Variants in GPC6 observed in about 807,000 individuals in gnomAD.
The protein encoded by GPC6 is glypican 6.
GPC6 carries 14 observed loss-of-function variants against 55.2 expected under a neutral mutation model. That is an observed-to-expected ratio of 0.25 (90% CI 0.17 to 0.40). The LOEUF is 0.40. Ranked by LOEUF, GPC6 falls within the 10% of genes least tolerant of loss-of-function variation. The pLI is 1.00. For synonymous variants in GPC6, 278 were observed against 259.6 expected, an observed-to-expected ratio of 1.07 and a Z score of -0.68; for missense variants, 641 against 708.5, an observed-to-expected ratio of 0.90 and a Z score of 1.08.
chr13:94,325,079 T>C (rs1313563421), intron 6 of GPC6, among the ~76,000 whole-genome samples: 3 of 152,140 alleles, frequency 2.0e-5, no homozygotes, highest in Non-Finnish European at 4.4e-5. Flanking sequence ...CTATTTTGTC[T>C]CTTCTTTGTC....
intron 2 of GPC6, among the ~76,000 whole-genome samples, chr13:93,728,847 C>T (rs756142731): frequency 5.1e-4 from 78 of 152,012 alleles, no homozygotes; most frequent in Admixed American, 1.4e-3. Flanking sequence ...AGATTACAGG[C>T]GTGAGCCACT....
At chr13:94,162,776 G>A (rs940982996) in intron 4 of GPC6, among the ~76,000 whole-genome samples, 1 of 152,080 alleles carries the variant, frequency 6.6e-6, no homozygotes, top group Admixed American at 6.6e-5. Context: ...GCTGGACATT[G>A]AGCATATATA....
intron 2 of GPC6, among the ~76,000 whole-genome samples, chr13:93,603,523 A>C (rs148592093): frequency 2.0e-5 from 3 of 152,234 alleles, no homozygotes; most frequent in East Asian, 3.9e-4. Context: ...TATTGTCCCC[A>C]CTTTGCAGGT....
chr13:93,629,740 T>C (rs1879355167), intron 2 of GPC6, among the ~76,000 whole-genome samples: 1 of 152,188 alleles, frequency 6.6e-6, no homozygotes, highest in Non-Finnish European at 1.5e-5. Flanking sequence ...GAATAATGCA[T>C]TTATAGAATA....
chr13:94,179,102 T>C (rs1888896437), intron 4 of GPC6, among the ~76,000 whole-genome samples: 1 of 152,208 alleles, frequency 6.6e-6, no homozygotes, highest in East Asian at 1.9e-4. Context: ...GGAAACCCCA[T>C]GGTTGGTAGG....
At chr13:93,912,643 T>C (rs1366979471) in intron 3 of GPC6, among the ~76,000 whole-genome samples, 1 of 152,134 alleles carries the variant, frequency 6.6e-6, no homozygotes, top group Non-Finnish European at 1.5e-5. Context: ...CTCGGGAGGC[T>C]GAGGCAGGAG....
At chr13:93,811,801 A>G (rs1348364562) in intron 2 of GPC6, among the ~76,000 whole-genome samples, 1 of 152,160 alleles carries the variant, frequency 6.6e-6, no homozygotes, top group South Asian at 2.1e-4. Flanking sequence ...ATGTGTAAGG[A>G]AACAAAAAGA....
At chr13:93,680,815 G>T (rs16949105) in intron 2 of GPC6, among the ~76,000 whole-genome samples, 8 of 152,126 alleles carry the variant, frequency 5.3e-5, no homozygotes, top group Admixed American at 4.6e-4. Context: ...TGTGTTATTC[G>T]TTTTTGGCCT....
Position 94,373,701 on chromosome 13 carries a change from G to A in GPC6, c.1153-8713G>A, listed in dbSNP as rs972666163. Among the ~76,000 whole-genome samples the A allele has an allele frequency of 1.5e-3, 227 of 152,148 alleles. 1 individual carries two copies. The highest frequency in any genetic ancestry group is 5.2e-3 in the African/African-American group (217 of 41,470). On this transcript the variant is annotated intron_variant, in intron 6 of 8. Transcript: ENST00000377047. ...AAGGCAGGCCAACATTCACATTCAG[G>A]AAATACAGAGAACGCCACAAAGATA...
At chr13:94,273,620 G>C (rs1186392908) in intron 4 of GPC6, among the ~76,000 whole-genome samples, 1 of 152,216 alleles carries the variant, frequency 6.6e-6, no homozygotes, top group Non-Finnish European at 1.5e-5. Context: ...TAAGCATGTT[G>C]ATGCTATTTG....
chr13:93,638,788 G>A (rs1879798046), intron 2 of GPC6, among the ~76,000 whole-genome samples: 1 of 152,162 alleles, frequency 6.6e-6, no homozygotes, highest in Non-Finnish European at 1.5e-5. Flanking sequence ...AACCATGGAA[G>A]AAGGTATAAA....
Position 94,367,567 on chromosome 13 carries a change from C to T in GPC6, c.1153-14847C>T, listed in dbSNP as rs535988237. Among the ~76,000 whole-genome samples, 90 of 152,270 alleles carry T rather than the reference C, an allele frequency of 5.9e-4. 1 individual carries two copies. The highest frequency in any genetic ancestry group is 1.4e-3 in the Admixed American group (21 of 15,298). The stretch of plus-strand genomic sequence containing the variant: ...TATTTCTGATGTCTCCCACATTTAT[C>T]CCAATTTGAGGACCAGGATTTTGCC... On this transcript the variant is annotated intron_variant, in intron 6 of 8. Coordinates refer to ENST00000377047, the MANE Select transcript of GPC6 (RefSeq NM_005708.5).
intron 1 of GPC6, among the ~76,000 whole-genome samples, chr13:93,355,818 A>T (rs1170073080): frequency 6.6e-6 from 1 of 151,858 alleles, no homozygotes; most frequent in Non-Finnish European, 1.5e-5. Flanking sequence ...GTTATGGGGG[A>T]AGGGAAATAA....
intron 2 of GPC6, among the ~76,000 whole-genome samples, chr13:93,606,794 C>A (rs1037353401): frequency 1.3e-5 from 2 of 150,768 alleles, no homozygotes; most frequent in Admixed American, 1.3e-4. Context: ...CCTGCTACTT[C>A]TCTGTAAACA....
chr13:93,271,114 A>G (rs1347824087), intron 1 of GPC6, among the ~76,000 whole-genome samples: 2 of 152,138 alleles, frequency 1.3e-5, no homozygotes, highest in African/African-American at 4.8e-5. Context: ...TCTAATAATC[A>G]TTCCTCCTTC....
chr13:94,212,956 G>T (rs1019590769), intron 4 of GPC6, among the ~76,000 whole-genome samples: 6 of 152,214 alleles, frequency 3.9e-5, no homozygotes, highest in African/African-American at 1.4e-4. Context: ...AGGAGTTTGA[G>T]ACCAGCCTGG....
At chr13:94,199,945 T>C (rs1458060231) in intron 4 of GPC6, among the ~76,000 whole-genome samples, 1 of 152,060 alleles carries the variant, frequency 6.6e-6, no homozygotes, top group Non-Finnish European at 1.5e-5. Flanking sequence ...TCACCTGAGG[T>C]CAGGAGTTCC....
At chr13:93,242,215 C>T (rs1876457264) in intron 1 of GPC6, among the ~76,000 whole-genome samples, 1 of 152,156 alleles carries the variant, frequency 6.6e-6, no homozygotes, top group African/African-American at 2.4e-5. Context: ...CATCCCAGCC[C>T]TGATGGATGT....
At chr13:94,219,941 G>A (rs1890333799) in intron 4 of GPC6, among the ~76,000 whole-genome samples, 1 of 152,086 alleles carries the variant, frequency 6.6e-6, no homozygotes, top group Non-Finnish European at 1.5e-5. Flanking sequence ...GGATTCATTG[G>A]TTTCAGGTGT....
Sources: allele counts gnomAD v4.1 joint callset (sites outside exome capture counted in the v4.1 genomes callset), GRCh38; gene constraint gnomAD v4.1.1; transcripts MANE v1.5; gene names NCBI Gene and HGNC (gene_info 2026-07-23, HGNC 2026-07-21).